The following FAM228B variants were observed in gnomAD, a reference collection of about 807,000 sequenced individuals.
The protein encoded by FAM228B is family with sequence similarity 228 member B, also known as protein FAM228B.
FAM228B carries 38 observed loss-of-function variants against 42.6 expected under a neutral mutation model. That is an observed-to-expected ratio of 0.89 (90% confidence interval 0.69 to 1.17). The LOEUF is 1.17. FAM228B is among the 50% of genes most tolerant of loss of function. The pLI, the probability that FAM228B is intolerant of heterozygous loss-of-function variation, is 0.00. For missense variants in FAM228B, 344 were observed against 367.3 expected, an observed-to-expected ratio of 0.94 and a Z score of 0.52; for synonymous variants, 109 against 122.3, an observed-to-expected ratio of 0.89 and a Z score of 0.72.
chr2:24,124,487 G>A (rs1275621356), intron 2 of FAM228B, 27 bp downstream of exon 2: 1 of 1,448,732 alleles, frequency 6.9e-7, no homozygotes, highest in Non-Finnish European at 9.3e-7. Context: ...GTGGGATTTG[G>A]AGATTTTTTT....
At chr2:24,078,761 G>A (rs1377065090) in intron 1 of FAM228B, 1 of 152,336 alleles carries the variant, frequency 6.6e-6, no homozygotes, top group Admixed American at 6.5e-5. Flanking sequence ...TATAGGCTTA[G>A]TGAAAAAAGG....
At chr2:24,167,228 A>G (rs938748127) in intron 9 of FAM228B, among the ~76,000 whole-genome samples, 1 of 152,098 alleles carries the variant, frequency 6.6e-6, no homozygotes, top group Non-Finnish European at 1.5e-5. Context: ...GGTGGAGAGG[A>G]GCTGGCAGAG....
chr2:24,122,912 C>T (rs1356386448), upstream of FAM228B: 1 of 164,014 alleles, frequency 6.1e-6, no homozygotes, highest in Admixed American at 6.3e-5. Flanking sequence ...AAAACCCAGC[C>T]AGGATGGAGA....
In FAM228B at chr2:24,108,900, C is replaced by CAA. The variant is rs138273554; in HGVS notation, c.-121+13686_-121+13687dup. ...TGGCTGACAGAGCAAGAGTCCGTCT[C>CAA]AAAAAAAAAAAAAAAAGAAAAAGCT... On this transcript the variant is annotated intron_variant, in intron 3 of 10. Transcript: ENST00000613899. Among the ~76,000 whole-genome samples, 86 of 79,828 alleles carry CAA rather than the reference C, an allele frequency of 1.1e-3. 1 individual carries two copies. The highest frequency in any genetic ancestry group is 3.2e-3 in the South Asian group (8 of 2,500). 52.4% of individuals were successfully genotyped at this position (79,828 alleles called of 152,430 possible). A position where few individuals can be genotyped will look rare whatever the true frequency, so the allele number is the denominator to read the frequency against.
chr2:24,158,662 T>C (rs1358625912), intron 7 of FAM228B, among the ~76,000 whole-genome samples: 1 of 152,122 alleles, frequency 6.6e-6, no homozygotes, highest in African/African-American at 2.4e-5. Context: ...TCCACATTTT[T>C]GGTAATAAGA....
chr2:24,090,045 G>A (rs1367366431), intron 2 of FAM228B, among the ~76,000 whole-genome samples: 4 of 151,666 alleles, frequency 2.6e-5, no homozygotes, highest in African/African-American at 4.8e-5. Flanking sequence ...AGGCCAAGGC[G>A]GGCGGATCAC....
At chr2:24,079,418 A>T (rs762277394) in intron 1 of FAM228B, 1 of 1,610,696 alleles carries the variant, frequency 6.2e-7, no homozygotes, top group Non-Finnish European at 8.5e-7. Context: ...GTTAAATCAC[A>T]TGTTTTCTTT....
intron 3 of FAM228B, among the ~76,000 whole-genome samples, chr2:24,112,861 C>A (rs1252548474): frequency 6.6e-6 from 1 of 152,184 alleles, no homozygotes; most frequent in Non-Finnish European, 1.5e-5. Flanking sequence ...ATTCTTTCCA[C>A]ACAACAGGCC....
intron 2 of FAM228B, among the ~76,000 whole-genome samples, chr2:24,134,776 C>G (rs1666540545): frequency 6.6e-6 from 1 of 152,134 alleles, no homozygotes; most frequent in Admixed American, 6.5e-5. Context: ...CATGGCAAAA[C>G]CCCGTCTCTA....
rs796408269 is a variant in FAM228B, at chr2:24,086,337, C to A, written c.-210+5382C>A. 5.9e-5 allele frequency among the ~76,000 whole-genome samples: 9 copies of A among 151,986 alleles called. 1 individual carries two copies. Among genetic ancestry groups the A allele is most frequent in the African/African-American group, 2.2e-4 (9 of 41,426 alleles). On this transcript the variant is annotated intron_variant, in intron 2 of 10. Coordinates refer to the FAM228B transcript ENST00000613899. ...AGAATACAGTTTTCCTAAATTCTAC[C>A]AGATTATACGGATTGAAAACATTCA...
chr2:24,122,687 T>C, upstream of FAM228B: 1 of 586,836 alleles, frequency 1.7e-6, no homozygotes, highest in Non-Finnish European at 3.0e-6. Context: ...AAAACGGTGG[T>C]CCATCATTCA....
rs1046378112 is a variant in FAM228B, at chr2:24,132,756, G to A, written c.100-2363G>A. On this transcript the variant is annotated intron_variant, in intron 2 of 10. Coordinates refer to ENST00000615575, the MANE Select transcript of FAM228B (RefSeq NM_001145710.2). ...CATTATGAATGATACATTGTGGAGG[G>A]TCTGGATTCTGTTATATTCCTCTGA... Among the ~76,000 whole-genome samples the A allele has an allele frequency of 3.9e-5, 6 of 151,964 alleles. No individual in the cohort carries two copies. In the South Asian group the frequency reaches 1.2e-3, roughly 31 times the overall value.
At chr2:24,119,598 C>T (rs374927864), upstream of FAM228B, 1 of 1,613,668 alleles carries the variant, frequency 6.2e-7, no homozygotes, top group African/African-American at 1.3e-5. Context: ...GTGGCTTCCA[C>T]ACAGATGCTA....
chr2:24,113,379 C>T (rs975962742), intron 3 of FAM228B, among the ~76,000 whole-genome samples: 3 of 152,102 alleles, frequency 2.0e-5, no homozygotes, highest in African/African-American at 7.2e-5. Flanking sequence ...TCTAGACCAG[C>T]CTGTGCAACA....
chr2:24,133,178 G>A (rs1247663811), intron 2 of FAM228B, among the ~76,000 whole-genome samples: 6 of 151,954 alleles, frequency 3.9e-5, no homozygotes, highest in Non-Finnish European at 8.8e-5. Flanking sequence ...TTCATCTAGT[G>A]CTGTTTTTTT....
At chr2:24,104,812 T>C (rs1354362357) in intron 3 of FAM228B, among the ~76,000 whole-genome samples, 1 of 151,140 alleles carries the variant, frequency 6.6e-6, no homozygotes, top group Non-Finnish European at 1.5e-5. Context: ...ATACCCACCC[T>C]TGCCACTGAC....
At chr2:24,154,042 ACT>A (rs1019394906) in intron 7 of FAM228B, among the ~76,000 whole-genome samples, 2 of 151,930 alleles carry the variant, frequency 1.3e-5, no homozygotes. Flanking sequence ...AAATGTACAA[ACT>A]CTCTCTCTGT....
At position 24,169,248 on chromosome 2, in the gene FAM228B, A is replaced by G; in HGVS notation, c.*15-108A>G. On this transcript the variant is annotated intron_variant, in intron 10 of 10. Coordinates refer to ENST00000615575, the MANE Select transcript of FAM228B (RefSeq NM_001145710.2). The surrounding 1 kb of genome is among the most constrained non-coding windows in gnomAD (Gnocchi z 4.2). ...AGATGAGTCACTCGGCTCTGGCAGG[A>G]CAGGCTTCAGGGGGATCAGCTCAGC... The G allele has an allele frequency of 2.7e-6, 1 of 370,690 alleles. No homozygotes were observed. Among genetic ancestry groups the G allele is most frequent in the South Asian group, 2.0e-5 (1 of 50,414 alleles). The allele number at this position is 370,690 out of a possible 1,614,324, so 23.0% of individuals were successfully genotyped here.
At chr2:24,160,869 A>G (rs1052562060) in intron 7 of FAM228B, among the ~76,000 whole-genome samples, 9 of 152,214 alleles carry the variant, frequency 5.9e-5, no homozygotes, top group African/African-American at 9.7e-5. Context: ...CTCTAGGGAA[A>G]AGCATTTTAT....
Sources: gnomAD v4.1 joint callset for allele counts (sites outside exome capture counted in the v4.1 genomes callset) on GRCh38, gnomAD v4.1.1 for gene constraint, Gnocchi (gnomAD v3.1) non-coding constraint, MANE v1.5 for transcripts, NCBI Gene and HGNC (gene_info 2026-07-23, HGNC 2026-07-21) for gene names.